CYP4B1: variants seen among roughly 807,000 people sequenced by gnomAD.
CYP4B1 encodes cytochrome P450 family 4 subfamily B member 1.
CYP4B1 carries 45 observed loss-of-function variants against 54.0 expected under a neutral mutation model. The observed-to-expected ratio is 0.83, with a 90% CI of 0.66 to 1.07. The LOEUF is 1.07. Ranked by LOEUF, CYP4B1 falls within the 50% of genes least tolerant of loss-of-function variation. The pLI, the probability that CYP4B1 is intolerant of heterozygous loss-of-function variation, is 0.00. For missense variants in CYP4B1, 656 were observed against 655.4 expected (o/e 1.00, Z -0.01); for synonymous variants, 248 against 247.5 (o/e 1.00, Z -0.02).
intron 1 of CYP4B1, among the ~76,000 whole-genome samples, 155 bp downstream of exon 1, chr1:46,799,416 G>A (rs1287434816): frequency 1.3e-5 from 2 of 152,164 alleles, no homozygotes; most frequent in Admixed American, 6.5e-5. Flanking sequence ...CTTTCCCACC[G>A]GAATTTCTCC....
At chr1:46,813,338 G>A in intron 4 of CYP4B1, 144 bp from the exon 5 acceptor site, 1 of 948,674 alleles carries the variant, frequency 1.1e-6, no homozygotes, top group Middle Eastern at 2.2e-4. Context: ...CAGCAGGATG[G>A]AGGGCAGGAC....
At chr1:46,811,237 G>T in intron 3 of CYP4B1, 53 bp downstream of exon 3, 1 of 1,579,764 alleles carries the variant, frequency 6.3e-7, no homozygotes, top group Admixed American at 1.7e-5. Context: ...CGTGGTGCTG[G>T]GTGACTAGGA....
At chr1:46,800,230 T>TTTCCTTCC in intron 1 of CYP4B1, among the ~76,000 whole-genome samples, 1 of 47,066 alleles carries the variant, frequency 2.1e-5, no homozygotes, top group African/African-American at 7.3e-5. Context: ...TCTCTCTTTC[T>TTTCCTTCC]TTCTTTCTTT....
chr1:46,799,489 A>C (rs769160426), intron 1 of CYP4B1, among the ~76,000 whole-genome samples: 2 of 152,190 alleles, frequency 1.3e-5, no homozygotes, highest in Non-Finnish European at 2.9e-5. Context: ...GGGCTCAAGC[A>C]TGGCACAGAC....
chr1:46,805,762 G>T (rs1425534087), intron 1 of CYP4B1, among the ~76,000 whole-genome samples: 1 of 152,108 alleles, frequency 6.6e-6, no homozygotes, highest in African/African-American at 2.4e-5. Flanking sequence ...CCTTTTGGTT[G>T]TTTTTTTCTT....
chr1:46,800,529 T>C (rs184847783), intron 1 of CYP4B1, among the ~76,000 whole-genome samples: 2 of 151,916 alleles, frequency 1.3e-5, no homozygotes, highest in East Asian at 3.9e-4. Context: ...GGGGTTTCAC[T>C]ATGTTGGGCA....
rs1679454860 is a variant in CYP4B1 at position 46,819,053 on chromosome 1, G to A, written c.*239G>A. The A allele has an allele frequency of 2.4e-6, 1 of 421,472 alleles. No individual in the cohort carries two copies. The highest frequency in any genetic ancestry group is 7.0e-5 in the South Asian group (1 of 14,194). The allele number at this position is 421,472 out of a possible 1,614,324, so 26.1% of individuals were successfully genotyped here. On this transcript the variant is annotated 3_prime_UTR_variant, in exon 12 of 12. Transcript: ENST00000371923. ...TTCATTTATTCAACAAACATTTGGT[G>A]AGCACCTATTTCGTTCGAGAAACTT...
chr1:46,813,436 C>A (rs774623381), intron 4 of CYP4B1, 46 bp from the exon 5 acceptor site: 3 of 1,613,082 alleles, frequency 1.9e-6, no homozygotes, highest in South Asian at 2.2e-5. Flanking sequence ...GCCCAACTAA[C>A]CCCTGCATCG....
In CYP4B1 at chr1:46,799,126, G is replaced by T. The variant is rs762201149; in HGVS notation, c.45G>T (p.Leu15=). The T allele has an allele frequency of 4.0e-5, 64 of 1,613,914 alleles. No homozygotes were observed. Among genetic ancestry groups the T allele is most frequent in the Non-Finnish European group, 4.8e-5 (57 of 1,179,982 alleles). ...CCCTGAGCTTCTCCTCCTTGGGCCT[G>T]TGGGCTTCTGGGCTGATCTTGGTCT... is the stretch of plus-strand genomic sequence containing the variant. ...FLSLSFSSLG[L]WASGLILVLG... is the part of the protein sequence containing the mutation. The change falls in exon 1 of 12, where the codon CTG becomes CTT. Residue 15 remains leucine, a synonymous_variant. Transcript: ENST00000371923.
intron 11 of CYP4B1, 77 bp from the exon 12 acceptor site, chr1:46,818,554 G>C: frequency 7.0e-7 from 1 of 1,437,646 alleles, no homozygotes; most frequent in Non-Finnish European, 9.7e-7. Flanking sequence ...ATTGACTTTT[G>C]TTGGCTGCTA....
At chr1:46,805,969 T>C (rs1211055689) in intron 1 of CYP4B1, among the ~76,000 whole-genome samples, 1 of 152,122 alleles carries the variant, frequency 6.6e-6, no homozygotes, top group African/African-American at 2.4e-5. Flanking sequence ...CAATTCCCAA[T>C]CCCTGCAGGA....
At chr1:46,809,396 C>T (rs1206156347) in intron 1 of CYP4B1, among the ~76,000 whole-genome samples, 1 of 152,110 alleles carries the variant, frequency 6.6e-6, no homozygotes, top group Non-Finnish European at 1.5e-5. Context: ...ACATTTTTCC[C>T]TTCCTAATTT....
intron 9 of CYP4B1, among the ~76,000 whole-genome samples, chr1:46,817,577 C>A (rs150920518): frequency 2.0e-4 from 30 of 152,282 alleles, no homozygotes; most frequent in Non-Finnish European, 2.6e-4. Flanking sequence ...AAGCCTGTAC[C>A]TGGTTCATAG....
intron 1 of CYP4B1, among the ~76,000 whole-genome samples, chr1:46,808,547 C>G (rs1402743342): frequency 6.6e-6 from 1 of 151,558 alleles, no homozygotes; most frequent in Non-Finnish European, 1.5e-5. Context: ...GGATATTAGC[C>G]CTTTGTCAGA....
At chr1:46,800,183 CTCTT>C (rs1553130083) in intron 1 of CYP4B1, among the ~76,000 whole-genome samples, 750 of 19,896 alleles carry the variant, frequency 0.038, 99 homozygotes, top group African/African-American at 0.059. Context: ...TTCTTTCTTT[CTCTT>C]TCTTTCTTTC....
intron 5 of CYP4B1, 125 bp downstream of exon 5, chr1:46,813,731 G>T: frequency 1.4e-6 from 2 of 1,466,580 alleles, no homozygotes. Flanking sequence ...CTTAGCTTGC[G>T]GGGAGACAGG....
chr1:46,816,631 C>A (rs1679343703), intron 8 of CYP4B1, among the ~76,000 whole-genome samples: 1 of 149,784 alleles, frequency 6.7e-6, no homozygotes, highest in African/African-American at 2.5e-5. Context: ...AATGCATCAA[C>A]TTTGGTTGGT....
intron 1 of CYP4B1, among the ~76,000 whole-genome samples, chr1:46,802,519 T>TC (rs1678701646): frequency 6.6e-6 from 1 of 152,214 alleles, no homozygotes; most frequent in Non-Finnish European, 1.5e-5. Context: ...CAGATAAACG[T>TC]CAGGTGTTAA....
chr1:46,800,219 TTC>T lies in CYP4B1; in HGVS notation c.180+964_180+965del, dbSNP rs1244845805. Among the ~76,000 whole-genome samples the T allele has an allele frequency of 4.2e-4, 5 of 11,924 alleles. 1 individual carries two copies. Among genetic ancestry groups the T allele is most frequent in the African/African-American group, 6.4e-4 (5 of 7,812 alleles). The allele number at this position is 11,924 out of a possible 152,430, so 7.8% of individuals were successfully genotyped here. ...TTTCTCTTTCTTTCTTTCTTTCTCT[TTC>T]TCTCTTTCTTTCTTTCTTTCCTTCC... On this transcript the variant is annotated intron_variant, in intron 1 of 11. Coordinates refer to ENST00000371923, the MANE Select transcript of CYP4B1 (RefSeq NM_001099772.2).
Sources: gnomAD v4.1 joint callset for allele counts (sites outside exome capture counted in the v4.1 genomes callset) on GRCh38, gnomAD v4.1.1 for gene constraint, MANE v1.5 for transcripts, NCBI Gene and HGNC (gene_info 2026-07-23, HGNC 2026-07-21) for gene names.